COL21A1: variants seen among roughly 807,000 people sequenced by gnomAD.
The protein encoded by COL21A1 is collagen alpha-1(XXI) chain.
In COL21A1, 149 loss-of-function variants were observed where a neutral mutation model predicts 137.9. The observed-to-expected ratio is 1.08, with a 90% CI of 0.95 to 1.24. The LOEUF is 1.24. COL21A1 is among the 50% of genes most tolerant of loss of function. The pLI is 0.00. For missense variants in COL21A1, 1,167 were observed against 1,158.4 expected (o/e 1.01, Z -0.11); for synonymous variants, 456 against 391.5 (o/e 1.16, Z -1.95).
chr6:56,248,633 C>T (rs1419496837), upstream of COL21A1, among the ~76,000 whole-genome samples: 2 of 152,172 alleles, frequency 1.3e-5, no homozygotes, highest in Non-Finnish European at 2.9e-5. Flanking sequence ...ACAAGGTGCT[C>T]AATAAATATT....
At chr6:56,304,619 C>T (rs1303485673) in intron 1 of COL21A1, among the ~76,000 whole-genome samples, 10 of 152,106 alleles carry the variant, frequency 6.6e-5, no homozygotes, top group Non-Finnish European at 1.0e-4. Context: ...TCATTCTTCT[C>T]TCTTTTCTTC....
intron 1 of COL21A1, among the ~76,000 whole-genome samples, chr6:56,392,558 G>A (rs1403457894): frequency 2.0e-5 from 3 of 152,044 alleles, no homozygotes; most frequent in Non-Finnish European, 2.9e-5. Flanking sequence ...CAACCTATCC[G>A]TATTTGCAGA....
intron 17 of COL21A1, among the ~76,000 whole-genome samples, chr6:56,098,957 C>T (rs942818327): frequency 3.3e-5 from 5 of 150,166 alleles, no homozygotes; most frequent in East Asian, 2.0e-4. Flanking sequence ...CCTCATGATC[C>T]GCCCGCCTCG....
chr6:56,145,444 A>G (rs943599195), intron 10 of COL21A1, among the ~76,000 whole-genome samples: 6 of 152,174 alleles, frequency 3.9e-5, no homozygotes, highest in Non-Finnish European at 8.8e-5. Context: ...AGGGCAAAAC[A>G]CCAGAAGAAA....
chr6:56,221,101 C>T (rs1780799667), intron 1 of COL21A1, among the ~76,000 whole-genome samples: 1 of 152,122 alleles, frequency 6.6e-6, no homozygotes, highest in African/African-American at 2.4e-5. Context: ...ACCACATTAA[C>T]TCTTTATTGT....
rs1458375974 is a variant in COL21A1, at chr6:56,325,946, ATT to A, written c.-39+68023_-39+68024del. 9.0e-3 allele frequency among the ~76,000 whole-genome samples: 301 copies of A among 33,360 alleles called. 17 individuals are homozygous for A. Among genetic ancestry groups the A allele is most frequent in the African/African-American group, 0.059 (296 of 5,012 alleles). 21.9% of individuals were successfully genotyped at this position (33,360 alleles called of 152,430 possible). On this transcript the variant is annotated intron_variant, in intron 1 of 28. Transcript: ENST00000370819. ...ATAATATATATAATATATATTATAT[ATT>A]ATATAATATATATAATATATATTAT... is the stretch of plus-strand genomic sequence containing the variant.
chr6:56,297,104 C>G (rs1177178374), intron 1 of COL21A1, among the ~76,000 whole-genome samples: 1 of 151,988 alleles, frequency 6.6e-6, no homozygotes, highest in Non-Finnish European at 1.5e-5. Flanking sequence ...AGATACAATA[C>G]TGAGCCCAAA....
At chr6:56,085,252 A>AT (rs1768128506) in intron 17 of COL21A1, among the ~76,000 whole-genome samples, 6 of 152,092 alleles carry the variant, frequency 3.9e-5, no homozygotes, top group Admixed American at 3.9e-4. Context: ...AGGTATAATA[A>AT]AACTAATAAA....
At chr6:56,263,492 C>G (rs148822965) in intron 1 of COL21A1, among the ~76,000 whole-genome samples, 49 of 152,296 alleles carry the variant, frequency 3.2e-4, no homozygotes, top group African/African-American at 1.1e-3. Flanking sequence ...AAAACACACA[C>G]TTGGTATCAA....
chr6:56,265,584 G>A (rs188130110), intron 1 of COL21A1, among the ~76,000 whole-genome samples: 35 of 151,798 alleles, frequency 2.3e-4, no homozygotes, highest in African/African-American at 8.0e-4. Flanking sequence ...TGCTGTAGGT[G>A]TCATCATTCA....
chr6:56,088,319 G>A (rs1768454820), intron 17 of COL21A1, among the ~76,000 whole-genome samples: 1 of 152,070 alleles, frequency 6.6e-6, no homozygotes, highest in Non-Finnish European at 1.5e-5. Flanking sequence ...AGCTGAGATT[G>A]CGCCACTGCA....
Position 56,164,408 on chromosome 6 carries a change from T to C in COL21A1, c.1371+15A>G. On this transcript the variant is annotated intron_variant, in intron 9 of 29. Transcript: ENST00000244728. ...TGTGTGTTTTAACAAAAACAGCAAG[T>C]TAGGTGTTACCCACTTTGGGGCCTT... is the stretch of plus-strand genomic sequence containing the variant. 6.5e-7 allele frequency: 1 copy of C among 1,542,380 alleles called. No homozygotes were observed. Among genetic ancestry groups the C allele is most frequent in the Non-Finnish European group, 8.8e-7 (1 of 1,132,412 alleles).
At chr6:56,328,047 T>A (rs1449290718) in intron 1 of COL21A1, among the ~76,000 whole-genome samples, 1 of 152,010 alleles carries the variant, frequency 6.6e-6, no homozygotes, top group Non-Finnish European at 1.5e-5. Context: ...CCATCATACA[T>A]TTGGGAGTTG....
intron 1 of COL21A1, among the ~76,000 whole-genome samples, chr6:56,340,064 A>T (rs1053490828): frequency 2.7e-5 from 4 of 149,850 alleles, no homozygotes; most frequent in Non-Finnish European, 4.5e-5. Context: ...AGGAAAAAAA[A>T]CGCCATCTCA....
chr6:56,248,511 T>C (rs115846665), upstream of COL21A1, among the ~76,000 whole-genome samples: 327 of 152,352 alleles, frequency 2.1e-3, no homozygotes, highest in Non-Finnish European at 3.8e-3. Context: ...GGTTTTCATA[T>C]CTTCATTGCT....
At chr6:56,313,789 C>T (rs187461833) in intron 1 of COL21A1, among the ~76,000 whole-genome samples, 39 of 152,196 alleles carry the variant, frequency 2.6e-4, no homozygotes, top group African/African-American at 8.7e-4. Context: ...ATAGCATAGC[C>T]ATTTAGATCC....
chr6:56,148,361 AG>A (rs1775013017), intron 10 of COL21A1, among the ~76,000 whole-genome samples: 3 of 151,366 alleles, frequency 2.0e-5, no homozygotes, highest in African/African-American at 7.4e-5. Context: ...AGAGAGAGAG[AG>A]AGAGAGAAAC....
chr6:56,085,340 T>G (rs1768138070), intron 17 of COL21A1, among the ~76,000 whole-genome samples: 1 of 152,106 alleles, frequency 6.6e-6, no homozygotes, highest in Admixed American at 6.6e-5. Flanking sequence ...CAATTGCATA[T>G]AGATGTATTT....
At chr6:56,222,008 C>G in intron 1 of COL21A1, among the ~76,000 whole-genome samples, 1 of 152,084 alleles carries the variant, frequency 6.6e-6, no homozygotes, top group East Asian at 1.9e-4. Context: ...CATGGTGGCT[C>G]ACACCTGTAA....
Sources: allele counts gnomAD v4.1 joint callset (sites outside exome capture counted in the v4.1 genomes callset), GRCh38; gene constraint gnomAD v4.1.1; transcripts MANE v1.5; gene names NCBI Gene and HGNC (gene_info 2026-07-23, HGNC 2026-07-21).